The following HAL variants were observed in gnomAD, a reference collection of about 807,000 sequenced individuals.
HAL encodes the protein histidase.
In HAL, 85 loss-of-function variants were observed where a neutral mutation model predicts 81.1. The ratio of observed to expected loss-of-function variants is 1.05; its 90% CI spans 0.88 to 1.25. The LOEUF (loss-of-function observed/expected upper bound fraction) is 1.25. HAL is among the 50% of genes most tolerant of loss of function. The pLI is 0.00. For synonymous variants in HAL, 301 were observed against 309.2 expected, an observed-to-expected ratio of 0.97 and a Z score of 0.28; for missense variants, 798 against 836.6, an observed-to-expected ratio of 0.95 and a Z score of 0.57.
chr12:95,982,640 A>G (rs567963652), intron 15 of HAL, among the ~76,000 whole-genome samples: 31 of 152,338 alleles, frequency 2.0e-4, no homozygotes, highest in African/African-American at 6.7e-4. Context: ...GTGTAAAACA[A>G]TGTGAGAGAA....
intron 12 of HAL, 152 bp downstream of exon 12, chr12:95,986,915 G>C: frequency 1.4e-6 from 1 of 705,376 alleles, no homozygotes; most frequent in Non-Finnish European, 2.6e-6. Flanking sequence ...TAGCCTAGAT[G>C]AAGAGGCAGC....
rs551358384 is a variant in HAL, at chr12:95,990,805, A to T, written c.716-273T>A. ...CAGGGAGGAAAGGAGGGCTGGAGGGAAAGTCAGCAAGAAGGAAAGAAGGGC... is the reference window on the plus strand; with the variant it reads ...CAGGGAGGAAAGGAGGGCTGGAGGGTAAGTCAGCAAGAAGGAAAGAAGGGC... On this transcript the variant is annotated intron_variant, in intron 9 of 20. Coordinates refer to ENST00000261208, the MANE Select transcript of HAL (RefSeq NM_002108.4). 9.1e-4 allele frequency among the ~76,000 whole-genome samples: 139 copies of T among 152,274 alleles called. 1 individual carries two copies. Among genetic ancestry groups the T allele is most frequent in the African/African-American group, 3.2e-3 (135 of 41,558 alleles).
chr12:95,976,168 C>G (rs1363345982), intron 20 of HAL: 1 of 496,656 alleles, frequency 2.0e-6, no homozygotes, highest in Non-Finnish European at 3.7e-6. Flanking sequence ...ATTTTTTTCC[C>G]CATGAATATT....
In HAL at chr12:95,987,122, A is replaced by C. The variant is rs755752843; in HGVS notation, c.996T>G (p.Ile332Met). The C allele has an allele frequency of 6.2e-7, 1 of 1,611,688 alleles. No individual in the cohort carries two copies. The highest frequency in any genetic ancestry group is 8.5e-7 in the Non-Finnish European group (1 of 1,177,772). The change falls in exon 12 of 21, where the codon ATT becomes ATG. Residue 332 changes from isoleucine to methionine, a missense_variant. Transcript: ENST00000261208. ...RASAIARQAD[I>M]VAALTLEVLK... The stretch of plus-strand genomic sequence containing the variant: ...GCACCTCAAGGGTCAGGGCTGCCAC[A>C]ATGTCAGCCTGCCGTGCAATAGCAC...
Position 95,980,618 on chromosome 12 carries a change from A to G in HAL, c.1457T>C (p.Leu486Pro). ...NPSLSELPAF[L>P]VAEGGLNSGF... ...AGAGTTCAGACCACCTTCAGCCACCAGGAAGGCAGGCAGCTCACTGAGGGA... is the reference window on the plus strand; with the variant it reads ...AGAGTTCAGACCACCTTCAGCCACCGGGAAGGCAGGCAGCTCACTGAGGGA... Residue 486 changes from leucine to proline, a missense_variant, in exon 17 of 21, where the codon CTG becomes CCG. Physicochemically the swap from Leu to Pro is moderately conservative, Grantham distance 98. Coordinates refer to ENST00000261208, the MANE Select transcript of HAL (RefSeq NM_002108.4). The G allele has an allele frequency of 6.2e-7, 1 of 1,614,082 alleles. No homozygotes were observed. Among genetic ancestry groups the G allele is most frequent in the Non-Finnish European group, 8.5e-7 (1 of 1,179,922 alleles).
chr12:95,980,859 A>T lies in HAL; in HGVS notation c.1292T>A (p.Val431Asp), dbSNP rs376441270. 1.1e-5 allele frequency: 17 copies of T among 1,557,008 alleles called. No homozygotes were observed. Among genetic ancestry groups the T allele is most frequent in the Middle Eastern group, 1.7e-4 (1 of 5,992 alleles). ...ELNSATDNPM[V>D]FANRGETVSG... ...AACTGTCTCTCCCCTATTGGCAAAG[A>T]CCATCTTTCAAAAGAGGTTAAGGCT... Residue 431 changes from valine to aspartate, a missense_variant, in exon 16 of 21, where the codon GTC becomes GAC. By Grantham distance (152) the Val-to-Asp change is radical. Transcript: ENST00000261208.
chr12:95,988,970 C>T (rs949847764), intron 10 of HAL, among the ~76,000 whole-genome samples: 1 of 152,122 alleles, frequency 6.6e-6, no homozygotes, highest in African/African-American at 2.4e-5. Flanking sequence ...GGATTCTGTT[C>T]TGGGTGTTGG....
In HAL at chr12:95,985,889, T is replaced by A; in HGVS notation, c.1206+19A>T. The A allele has an allele frequency of 6.3e-7, 1 of 1,576,262 alleles. No homozygotes were observed. The highest frequency in any genetic ancestry group is 8.7e-7 in the Non-Finnish European group (1 of 1,149,022). ...TTATTGGCATTTTTTATTGACCTTT[T>A]TTTTTTTCTTTATTTTACCTGTGGA... On this transcript the variant is annotated intron_variant, in intron 14 of 20. Transcript: ENST00000261208.
At position 95,976,621 on chromosome 12, in the gene HAL, A is replaced by G. The variant is rs2080723083; in HGVS notation, c.1740T>C (p.Tyr580=). ...LKTTTPLEKV[Y]DLVRSVVRPW... is the part of the protein sequence containing the mutation. The stretch of plus-strand genomic sequence containing the variant: ...ACCTTACAACAGAGCGCACCAGGTC[A>G]TAGACCTTCTCCAGCGGAGTGGTTG... The change falls in exon 19 of 21, where the codon TAT becomes TAC. Residue 580 remains tyrosine, a synonymous_variant. Coordinates refer to ENST00000261208, the MANE Select transcript of HAL (RefSeq NM_002108.4). 6.2e-7 allele frequency: 1 copy of G among 1,610,604 alleles called. No homozygotes were observed. The highest frequency in any genetic ancestry group is 1.3e-5 in the African/African-American group (1 of 75,000).
At chr12:95,993,422 T>C in intron 8 of HAL, 29 bp downstream of exon 8, 1 of 1,462,482 alleles carries the variant, frequency 6.8e-7, no homozygotes. Flanking sequence ...TCACACAAGA[T>C]CCAGGAGGCA....
At chr12:95,974,621 T>G (rs2080694224) in intron 20 of HAL, among the ~76,000 whole-genome samples, 1 of 152,196 alleles carries the variant, frequency 6.6e-6, no homozygotes, top group Non-Finnish European at 1.5e-5. Context: ...GCTGCATACT[T>G]TTCCTAAGCA....
At chr12:95,976,834 G>A in intron 18 of HAL, 128 bp from the exon 19 acceptor site, 4 of 717,096 alleles carry the variant, frequency 5.6e-6, no homozygotes, top group Non-Finnish European at 1.0e-5. Context: ...TCTATTGGTA[G>A]AATGAAGTTG....
At chr12:95,979,911 G>C (rs930908874) in intron 17 of HAL, among the ~76,000 whole-genome samples, 4 of 152,152 alleles carry the variant, frequency 2.6e-5, no homozygotes, top group African/African-American at 9.7e-5. Flanking sequence ...ACTTACCTCA[G>C]GTGACAATTG....
chr12:95,980,541 G>A lies in HAL; in HGVS notation c.1519+15C>T, dbSNP rs753429395. 7.4e-6 allele frequency: 12 copies of A among 1,611,086 alleles called. No individual in the cohort carries two copies. Among genetic ancestry groups the A allele is most frequent in the Non-Finnish European group, 1.0e-5 (12 of 1,178,436 alleles). ...TGGACGGGCGTGTGTTCTGGGAAAG[G>A]GGCAGTGTCCTTACCAAGGGCTGCT... On this transcript the variant is annotated intron_variant, in intron 17 of 20. Transcript: ENST00000261208.
At position 95,987,102 on chromosome 12, in the gene HAL, T is replaced by TA; in HGVS notation, c.1015_1016insT (p.Glu339ValfsTer11). 1 of 1,613,266 alleles carries TA rather than the reference T, an allele frequency of 6.2e-7. No individual in the cohort carries two copies. Among genetic ancestry groups the TA allele is most frequent in the Non-Finnish European group, 8.5e-7 (1 of 1,179,264 alleles). On this transcript the variant is annotated frameshift_variant, in exon 12 of 21. Transcript: ENST00000261208. LOFTEE classifies it high-confidence loss of function. Reference sequence around the variant, plus strand: ...GGCTTTGGTGGTGCCCTTCAGCACCTCAAGGGTCAGGGCTGCCACAATGTC... The same window carrying TA: ...GGCTTTGGTGGTGCCCTTCAGCACCTACAAGGGTCAGGGCTGCCACAATGTC...
In HAL at chr12:95,992,579, A is replaced by C. The variant is rs996189189; in HGVS notation, c.715+101T>G. ...ATTTCCCACTCATTTCAATTATTTC[A>C]TGTCTTCTCAGGTGATTCCTCAGCA... On this transcript the variant is annotated intron_variant, in intron 9 of 20. Coordinates refer to ENST00000261208, the MANE Select transcript of HAL (RefSeq NM_002108.4). The C allele has an allele frequency of 4.7e-6, 5 of 1,064,314 alleles. No individual in the cohort carries two copies. The African/African-American group carries it at 4.7e-5, about 10-fold the overall frequency. The allele number at this position is 1,064,314 out of a possible 1,614,324, so 65.9% of individuals were successfully genotyped here. A position where few individuals can be genotyped will look rare whatever the true frequency, so the allele number is the denominator to read the frequency against.
intron 17 of HAL, 81 bp from the exon 18 acceptor site, chr12:95,978,159 C>T: frequency 9.5e-7 from 1 of 1,048,170 alleles, no homozygotes; most frequent in South Asian, 1.3e-5. Flanking sequence ...ACAGAGTGCT[C>T]CACAGCATGG....
chr12:95,974,754 T>C (rs2080696294), intron 20 of HAL, among the ~76,000 whole-genome samples: 1 of 152,188 alleles, frequency 6.6e-6, no homozygotes, highest in Admixed American at 6.5e-5. Flanking sequence ...TTTTCTTTTT[T>C]TGTGAGACAG....
chr12:95,992,298 A>T (rs1019568172), intron 9 of HAL, among the ~76,000 whole-genome samples: 3 of 152,240 alleles, frequency 2.0e-5, no homozygotes, highest in Non-Finnish European at 4.4e-5. Flanking sequence ...GGCACCAACC[A>T]GAACTACTGA....
Sources: allele counts gnomAD v4.1 joint callset (sites outside exome capture counted in the v4.1 genomes callset), GRCh38; gene constraint gnomAD v4.1.1; transcripts MANE v1.5; gene names NCBI Gene and HGNC (gene_info 2026-07-23, HGNC 2026-07-21).